OPCML: variants seen among roughly 807,000 people sequenced by gnomAD.
The protein encoded by OPCML is opioid binding protein/cell adhesion molecule like.
In OPCML, 13 loss-of-function variants were observed where a neutral mutation model predicts 37.8. That is an observed-to-expected ratio of 0.34 (90% CI 0.22 to 0.55). The LOEUF (loss-of-function observed/expected upper bound fraction) is 0.55. OPCML is among the 20% of genes least tolerant of loss of function. OPCML has a pLI of 0.91. For missense variants in OPCML, 341 were observed against 435.6 expected (o/e 0.78, Z 1.93); for synonymous variants, 176 against 168.8 (o/e 1.04, Z -0.33).
At chr11:132,484,955 T>G (rs1351780068) in intron 4 of OPCML, among the ~76,000 whole-genome samples, 1 of 152,178 alleles carries the variant, frequency 6.6e-6, no homozygotes, top group African/African-American at 2.4e-5. Context: ...CATTGGGAGA[T>G]ATACCTAATG....
At chr11:132,738,729 T>C (rs1361228037) in intron 2 of OPCML, among the ~76,000 whole-genome samples, 1 of 152,214 alleles carries the variant, frequency 6.6e-6, no homozygotes, top group Non-Finnish European at 1.5e-5. Flanking sequence ...GACTCATCCT[T>C]TATTGAAAGT....
At chr11:133,361,431 G>A (rs28607723) in intron 1 of OPCML, 18,301 of 152,516 alleles carry the variant, frequency 0.12, 1,375 homozygotes, top group African/African-American at 0.21. Context: ...TCCTGGCGGT[G>A]TCGATCAGGA....
intron 2 of OPCML, among the ~76,000 whole-genome samples, chr11:132,912,156 A>G (rs928958057): frequency 7.4e-6 from 1 of 135,278 alleles, no homozygotes; most frequent in Non-Finnish European, 1.5e-5. Flanking sequence ...CAAGACTCCA[A>G]TAAAAAAAAA....
chr11:132,833,216 A>G (rs549401519), intron 2 of OPCML, among the ~76,000 whole-genome samples: 2 of 152,206 alleles, frequency 1.3e-5, no homozygotes, highest in Admixed American at 1.3e-4. Flanking sequence ...ACAGCTGTAC[A>G]TATATTTCCT....
At chr11:132,638,186 T>TATATATATATATATAGAGAGAG (rs71067383) in intron 3 of OPCML, among the ~76,000 whole-genome samples, 1 of 131,020 alleles carries the variant, frequency 7.6e-6, no homozygotes, top group African/African-American at 2.8e-5. Flanking sequence ...TATATATATA[T>TATATATATATATATAGAGAGAG]ACAGAGAGAG....
At chr11:133,277,007 T>A (rs1287625650) in intron 1 of OPCML, among the ~76,000 whole-genome samples, 1 of 152,226 alleles carries the variant, frequency 6.6e-6, no homozygotes, top group Non-Finnish European at 1.5e-5. Context: ...ATTTCAAATG[T>A]ATCGACTCTT....
At chr11:133,024,690 G>C in intron 1 of OPCML, 1 of 830,602 alleles carries the variant, frequency 1.2e-6, no homozygotes. Context: ...TGAAAGTGGT[G>C]GGGGATGGGG....
chr11:132,568,832 G>T (rs774531243), intron 3 of OPCML, among the ~76,000 whole-genome samples: 5 of 152,154 alleles, frequency 3.3e-5, no homozygotes, highest in Non-Finnish European at 7.4e-5. Context: ...TATTTAAAAA[G>T]TAATGAATAA....
intron 1 of OPCML, among the ~76,000 whole-genome samples, chr11:133,445,396 T>G (rs1189237949): frequency 6.6e-6 from 1 of 152,220 alleles, no homozygotes; most frequent in Admixed American, 6.5e-5. Context: ...TCTCTGCCAC[T>G]TTTTGGCTAA....
chr11:132,806,605 A>C (rs1273273777), intron 2 of OPCML, among the ~76,000 whole-genome samples: 1 of 152,128 alleles, frequency 6.6e-6, no homozygotes, highest in African/African-American at 2.4e-5. Context: ...AAAATCCATA[A>C]AGCAAAAACT....
chr11:132,546,314 G>T (rs1340696942), intron 3 of OPCML, among the ~76,000 whole-genome samples: 4 of 152,006 alleles, frequency 2.6e-5, no homozygotes, highest in Non-Finnish European at 5.9e-5. Context: ...TTTTGGGGGG[G>T]AACAGGTGGT....
intron 1 of OPCML, among the ~76,000 whole-genome samples, chr11:133,296,863 A>G (rs189059351): frequency 2.0e-5 from 3 of 152,358 alleles, no homozygotes; most frequent in Non-Finnish European, 2.9e-5. Context: ...CATAGAATTC[A>G]TGAGAACCCA....
At chr11:132,491,818 T>C (rs1009467115) in intron 4 of OPCML, among the ~76,000 whole-genome samples, 1 of 152,106 alleles carries the variant, frequency 6.6e-6, no homozygotes, top group Non-Finnish European at 1.5e-5. Flanking sequence ...GAAGGAATCA[T>C]ATGCTGGGAC....
chr11:132,745,376 T>G (rs933313682), intron 2 of OPCML, among the ~76,000 whole-genome samples: 5 of 152,050 alleles, frequency 3.3e-5, no homozygotes, highest in Non-Finnish European at 4.4e-5. Context: ...TCAAGGTACT[T>G]GAGGCTCTAT....
chr11:133,108,317 GT>G (rs1415292828), intron 1 of OPCML, among the ~76,000 whole-genome samples: 1 of 152,112 alleles, frequency 6.6e-6, no homozygotes, highest in African/African-American at 2.4e-5. Flanking sequence ...GTGACTGTAT[GT>G]TGCTAAATTA....
chr11:133,187,000 G>C (rs1487653532), intron 1 of OPCML, among the ~76,000 whole-genome samples: 1 of 152,132 alleles, frequency 6.6e-6, no homozygotes, highest in East Asian at 1.9e-4. Context: ...GTGTGTAGAG[G>C]ACAAGGTCTT....
intron 1 of OPCML, among the ~76,000 whole-genome samples, chr11:133,384,498 G>C (rs536235137): frequency 6.6e-6 from 1 of 152,314 alleles, no homozygotes; most frequent in Non-Finnish European, 1.5e-5. Context: ...AACCAGATGA[G>C]AAAGTCAGCT....
chr11:132,839,430 GGGAGGC>G (rs1351158872), intron 2 of OPCML, among the ~76,000 whole-genome samples: 1 of 152,236 alleles, frequency 6.6e-6, no homozygotes, highest in Non-Finnish European at 1.5e-5. Flanking sequence ...CTTCCCATAT[GGGAGGC>G]GCTTGGCTGC....
intron 1 of OPCML, among the ~76,000 whole-genome samples, chr11:133,510,843 A>ATGCAGCTT (rs1322252796): frequency 2.0e-5 from 3 of 151,984 alleles, no homozygotes; most frequent in Non-Finnish European, 2.9e-5. Context: ...TGGTGATCAC[A>ATGCAGCTT]TGCAGCTTTG....
Sources: gnomAD v4.1 joint callset for allele counts (sites outside exome capture counted in the v4.1 genomes callset) on GRCh38, gnomAD v4.1.1 for gene constraint, MANE v1.5 for transcripts, NCBI Gene and HGNC (gene_info 2026-07-23, HGNC 2026-07-21) for gene names.